The following ASIC2 variants were observed in gnomAD, a reference collection of about 807,000 sequenced individuals.
The protein encoded by ASIC2 is acid sensing ion channel subunit 2.
In ASIC2, 25 loss-of-function variants were observed where a neutral mutation model predicts 57.3. That is an observed-to-expected ratio of 0.44 (90% CI 0.32 to 0.61). ASIC2 has a LOEUF of 0.61. ASIC2 is among the 20% of genes least tolerant of loss of function. The pLI is 0.06. For missense variants in ASIC2, 641 were observed against 738.1 expected (o/e 0.87, Z 1.52); for synonymous variants, 319 against 307.5 (o/e 1.04, Z -0.39).
intron 1 of ASIC2, among the ~76,000 whole-genome samples, chr17:33,644,075 G>A (rs1015440542): frequency 3.3e-5 from 5 of 152,108 alleles, no homozygotes; most frequent in African/African-American, 1.2e-4. Context: ...CCCTACTGAT[G>A]GGAGCACCAT....
chr17:33,916,126 A>G (rs1413748142), intron 1 of ASIC2, among the ~76,000 whole-genome samples: 1 of 152,168 alleles, frequency 6.6e-6, no homozygotes, highest in Non-Finnish European at 1.5e-5. Context: ...CCTCCCAGAT[A>G]ACCAGTTCCT....
intron 1 of ASIC2, among the ~76,000 whole-genome samples, chr17:33,435,238 T>C (rs952232682): frequency 1.1e-4 from 17 of 152,208 alleles, no homozygotes; most frequent in Non-Finnish European, 7.4e-5. Flanking sequence ...GATTTTGGTA[T>C]TGAAGTACCA....
At chr17:34,084,826 T>C (rs1910038531) in intron 1 of ASIC2, among the ~76,000 whole-genome samples, 1 of 152,206 alleles carries the variant, frequency 6.6e-6, no homozygotes, top group African/African-American at 2.4e-5. Flanking sequence ...AGTTCACTCA[T>C]GATTTGGCTG....
At chr17:33,896,578 G>A (rs1028710512) in intron 1 of ASIC2, among the ~76,000 whole-genome samples, 1 of 152,244 alleles carries the variant, frequency 6.6e-6, no homozygotes, top group African/African-American at 2.4e-5. Flanking sequence ...AGCTCCTCAA[G>A]GATGCATTAG....
At chr17:33,026,086 G>T (rs1257833856) in intron 4 of ASIC2, 104 bp from the exon 5 acceptor site, 4 of 1,288,280 alleles carry the variant, frequency 3.1e-6, no homozygotes, top group Non-Finnish European at 4.4e-6. Flanking sequence ...CCTGGCAGTT[G>T]AAGGGGCAGC....
intron 1 of ASIC2, among the ~76,000 whole-genome samples, chr17:33,719,313 G>A (rs1399893672): frequency 6.6e-6 from 1 of 152,148 alleles, no homozygotes; most frequent in Non-Finnish European, 1.5e-5. Context: ...GGGAGAGCCT[G>A]GTGAGCCAGG....
chr17:33,455,748 G>A (rs1211107228), intron 1 of ASIC2, among the ~76,000 whole-genome samples: 1 of 152,186 alleles, frequency 6.6e-6, no homozygotes, highest in Non-Finnish European at 1.5e-5. Flanking sequence ...CAGGTAAATG[G>A]GGTTTCATTT....
At chr17:33,545,253 AG>A (rs1915542343) in intron 1 of ASIC2, among the ~76,000 whole-genome samples, 1 of 152,184 alleles carries the variant, frequency 6.6e-6, no homozygotes, top group Non-Finnish European at 1.5e-5. Context: ...CTATATGTTA[AG>A]CAATGCACAT....
At chr17:33,559,917 T>C (rs1916020379) in intron 1 of ASIC2, among the ~76,000 whole-genome samples, 1 of 152,200 alleles carries the variant, frequency 6.6e-6, no homozygotes, top group East Asian at 1.9e-4. Flanking sequence ...CAGGGTAGCA[T>C]AAAATAGTAT....
chr17:33,070,876 T>C (rs191737708), intron 3 of ASIC2, among the ~76,000 whole-genome samples: 40 of 152,268 alleles, frequency 2.6e-4, no homozygotes, highest in Admixed American at 2.4e-3. Context: ...TTACTAGATA[T>C]AGATTTTTAG....
chr17:34,020,893 C>CT (rs749017752), intron 1 of ASIC2, among the ~76,000 whole-genome samples: 2 of 152,178 alleles, frequency 1.3e-5, no homozygotes, highest in Non-Finnish European at 2.9e-5. Context: ...TTTTAAGTTG[C>CT]TAAGTTTATG....
At chr17:33,218,135 C>T (rs77669221) in intron 1 of ASIC2, among the ~76,000 whole-genome samples, 21,724 of 152,230 alleles carry the variant, frequency 0.14, 1,616 homozygotes, top group Middle Eastern at 0.24. Context: ...ATAAATCGGC[C>T]GTGCTGTTGA....
At chr17:33,910,892 G>A (rs1915447887) in intron 1 of ASIC2, among the ~76,000 whole-genome samples, 2 of 152,228 alleles carry the variant, frequency 1.3e-5, no homozygotes, top group South Asian at 4.1e-4. Context: ...TTGTCCAGTG[G>A]AGAGGGAGTG....
At chr17:33,721,395 T>C (rs574018352) in intron 1 of ASIC2, among the ~76,000 whole-genome samples, 1 of 152,340 alleles carries the variant, frequency 6.6e-6, no homozygotes, top group South Asian at 2.1e-4. Context: ...TCAGAGATGA[T>C]GTGTGTGACT....
chr17:33,747,979 C>G (rs1344348729), intron 1 of ASIC2, among the ~76,000 whole-genome samples: 2 of 152,248 alleles, frequency 1.3e-5, no homozygotes, highest in African/African-American at 2.4e-5. Flanking sequence ...TCTCAGGTGG[C>G]CCTCAACAAC....
chr17:33,731,606 C>T (rs540296180), intron 1 of ASIC2, among the ~76,000 whole-genome samples: 8 of 152,298 alleles, frequency 5.3e-5, no homozygotes, highest in African/African-American at 1.9e-4. Flanking sequence ...GGAGTCTATA[C>T]AGTGGTAAAT....
At chr17:33,934,558 A>G (rs552683591) in intron 1 of ASIC2, among the ~76,000 whole-genome samples, 1 of 152,296 alleles carries the variant, frequency 6.6e-6, no homozygotes, top group South Asian at 2.1e-4. Flanking sequence ...GTGGGCACCG[A>G]GGAGGACCTG....
chr17:33,297,752 G>T (rs1457420514), upstream of ASIC2, among the ~76,000 whole-genome samples: 2 of 151,718 alleles, frequency 1.3e-5, no homozygotes, highest in Non-Finnish European at 2.9e-5. Flanking sequence ...AGCCTGCAAG[G>T]TCGAGACTGC....
chr17:33,956,446 C>T (rs981926289), intron 1 of ASIC2, among the ~76,000 whole-genome samples: 2 of 152,156 alleles, frequency 1.3e-5, no homozygotes, highest in Admixed American at 1.3e-4. Context: ...CACGGAAGCT[C>T]TGAACCCAAT....
Sources: gnomAD v4.1 joint callset for allele counts (sites outside exome capture counted in the v4.1 genomes callset) on GRCh38, gnomAD v4.1.1 for gene constraint, MANE v1.5 for transcripts, NCBI Gene and HGNC (gene_info 2026-07-23, HGNC 2026-07-21) for gene names.